DIS3L2: variants seen among roughly 807,000 people sequenced by gnomAD.
DIS3L2 encodes DIS3 like 3'-5' exoribonuclease 2, also known as DIS3-like exonuclease 2.
Under a neutral mutation model 97.5 loss-of-function variants are expected in DIS3L2, and 34 were observed. The ratio of observed to expected loss-of-function variants is 0.35; its 90% CI spans 0.27 to 0.46. The LOEUF (loss-of-function observed/expected upper bound fraction) is 0.46, where lower values mean the gene tolerates loss of function less well. Ranked by LOEUF, DIS3L2 falls within the 20% of genes least tolerant of loss-of-function variation. The probability of loss-of-function intolerance (pLI) is 1.00; values close to 1 mark genes in which losing one functional copy is unlikely to be tolerated. For synonymous variants in DIS3L2, 435 were observed against 445.2 expected (o/e 0.98, Z 0.29); for missense variants, 1,038 against 1,146.0 (o/e 0.91, Z 1.36).
chr2:232,129,371 T>C (rs1024383995), intron 6 of DIS3L2, among the ~76,000 whole-genome samples: 8 of 152,210 alleles, frequency 5.3e-5, no homozygotes, highest in Non-Finnish European at 1.0e-4. Context: ...TGGTTTTTTT[T>C]CTCTCTACAA....
chr2:232,081,936 C>T (rs1471175215), intron 5 of DIS3L2, among the ~76,000 whole-genome samples: 1 of 152,228 alleles, frequency 6.6e-6, no homozygotes, highest in Non-Finnish European at 1.5e-5. Flanking sequence ...ACTACAAGCA[C>T]ATGCCACCAT....
chr2:232,242,273 G>A (rs1406426736), intron 11 of DIS3L2, among the ~76,000 whole-genome samples: 3 of 152,192 alleles, frequency 2.0e-5, no homozygotes, highest in Admixed American at 6.5e-5. Flanking sequence ...CGAAGTCCTC[G>A]GAGAAAAGGG....
intron 8 of DIS3L2, among the ~76,000 whole-genome samples, chr2:232,146,314 T>G (rs1690216290): frequency 6.6e-6 from 1 of 152,206 alleles, no homozygotes; most frequent in Non-Finnish European, 1.5e-5. Flanking sequence ...GCAGAGTGAA[T>G]GGAGGGAAAG....
intron 3 of DIS3L2, among the ~76,000 whole-genome samples, chr2:232,016,881 T>A (rs577556951): frequency 4.3e-4 from 65 of 151,806 alleles, no homozygotes; most frequent in Non-Finnish European, 4.0e-4. Context: ...GATGCTGTCA[T>A]CTTCTCTTCC....
intron 1 of DIS3L2, among the ~76,000 whole-genome samples, chr2:231,983,887 TAAAA>T (rs201338126): frequency 7.4e-6 from 1 of 135,390 alleles, no homozygotes. Context: ...AGACTCATCT[TAAAA>T]AAAAAAAAAA....
rs1694130693 is a variant in DIS3L2 at position 232,276,005 on chromosome 2, T to C, written c.1659+12565T>C. ...TAGCAACTTGCTCTTATACTAGAAA[T>C]GCTAAAAACAAATTAGAAATTATTT... On this transcript the variant is annotated intron_variant, in intron 13 of 20. Coordinates refer to ENST00000325385, the MANE Select transcript of DIS3L2 (RefSeq NM_152383.5). This position sits in a 1 kb window ranked among gnomAD's most constrained non-coding sequence, Gnocchi z 4.4. Among the ~76,000 whole-genome samples the C allele has an allele frequency of 6.6e-6, 1 of 152,224 alleles. No individual in the cohort carries two copies. The highest frequency in any genetic ancestry group is 1.5e-5 in the Non-Finnish European group (1 of 68,032).
chr2:232,118,824 C>A (rs1359292399), intron 6 of DIS3L2, among the ~76,000 whole-genome samples: 1 of 152,206 alleles, frequency 6.6e-6, no homozygotes, highest in East Asian at 1.9e-4. Flanking sequence ...AAAAGAGAAG[C>A]AATTTTCCAT....
At chr2:232,147,845 T>C (rs1690259825) in intron 8 of DIS3L2, among the ~76,000 whole-genome samples, 1 of 152,184 alleles carries the variant, frequency 6.6e-6, no homozygotes, top group African/African-American at 2.4e-5. Flanking sequence ...AGAATTTGGC[T>C]TTGTTTACCT....
intron 6 of DIS3L2, among the ~76,000 whole-genome samples, chr2:232,127,052 G>A (rs1467397846): frequency 6.6e-6 from 1 of 152,190 alleles, no homozygotes; most frequent in Non-Finnish European, 1.5e-5. Context: ...TTACTTTTGT[G>A]TATAGCAGTG....
chr2:231,991,703 C>T (rs1022253586), intron 1 of DIS3L2, among the ~76,000 whole-genome samples: 5 of 152,034 alleles, frequency 3.3e-5, no homozygotes, highest in South Asian at 2.1e-4. Flanking sequence ...GACATTAGGC[C>T]GTAATAAATT....
chr2:232,124,287 G>A (rs765075014), intron 6 of DIS3L2, among the ~76,000 whole-genome samples: 5 of 152,052 alleles, frequency 3.3e-5, no homozygotes, highest in African/African-American at 4.8e-5. Flanking sequence ...TGTTTCCCCT[G>A]TTTAAAGAAA....
intron 8 of DIS3L2, among the ~76,000 whole-genome samples, chr2:232,148,097 T>C (rs907632236): frequency 2.4e-4 from 34 of 142,508 alleles, no homozygotes; most frequent in Non-Finnish European, 4.7e-4. Flanking sequence ...GTCGCCAGGC[T>C]GGAGTACAGT....
intron 9 of DIS3L2, among the ~76,000 whole-genome samples, chr2:232,182,924 T>C (rs1691332651): frequency 6.6e-6 from 1 of 152,208 alleles, no homozygotes; most frequent in Non-Finnish European, 1.5e-5. Flanking sequence ...TTTCTGACTT[T>C]TTTGAACTAA....
rs921089823 is a variant in DIS3L2 at position 232,170,694 on chromosome 2, A to G, written c.1124+7062A>G. ...ATTGTATTCACTTTTAAGAAGAAAT[A>G]TGAAGCTGGAGGTAAAATTACAAAC... On this transcript the variant is annotated intron_variant, in intron 9 of 20. Coordinates refer to ENST00000325385, the MANE Select transcript of DIS3L2 (RefSeq NM_152383.5). 3.3e-5 allele frequency among the ~76,000 whole-genome samples: 5 copies of G among 152,310 alleles called. No homozygotes were observed. The East Asian group carries it at 7.7e-4, about 23-fold the overall frequency.
intron 10 of DIS3L2, among the ~76,000 whole-genome samples, chr2:232,217,779 C>T (rs1202733653): frequency 2.6e-5 from 4 of 152,214 alleles, no homozygotes; most frequent in African/African-American, 7.2e-5. Context: ...ATGCCACCCT[C>T]CAGGAACCTG....
intron 5 of DIS3L2, among the ~76,000 whole-genome samples, chr2:232,056,521 G>T (rs1695554582): frequency 6.6e-6 from 1 of 150,838 alleles, no homozygotes; most frequent in Non-Finnish European, 1.5e-5. Context: ...TATGCAACCA[G>T]ATATATATTC....
intron 1 of DIS3L2, among the ~76,000 whole-genome samples, chr2:232,006,215 G>C (rs1694049220): frequency 6.6e-6 from 1 of 152,046 alleles, no homozygotes; most frequent in Admixed American, 6.6e-5. Flanking sequence ...AAAAGAAAAG[G>C]CATTTTATAA....
chr2:232,177,103 A>G (rs1219177623), intron 9 of DIS3L2, among the ~76,000 whole-genome samples: 26 of 144,528 alleles, frequency 1.8e-4, no homozygotes, highest in South Asian at 2.3e-4. Context: ...ATGGTTTCCA[A>G]TTTCATCCAT....
intron 9 of DIS3L2, among the ~76,000 whole-genome samples, chr2:232,206,242 A>C (rs543079677): frequency 2.0e-5 from 3 of 152,376 alleles, no homozygotes; most frequent in Admixed American, 6.5e-5. Context: ...TACAGTTAAG[A>C]AATCAGCCCA....
Sources: allele counts gnomAD v4.1 joint callset (sites outside exome capture counted in the v4.1 genomes callset), GRCh38; gene constraint gnomAD v4.1.1; non-coding constraint Gnocchi (gnomAD v3.1); transcripts MANE v1.5; gene names NCBI Gene and HGNC (gene_info 2026-07-23, HGNC 2026-07-21).